Variants in PITPNC1 observed in about 807,000 individuals in gnomAD.
PITPNC1 encodes cytoplasmic phosphatidylinositol transfer protein 1.
A neutral mutation model predicts 44.7 loss-of-function variants in PITPNC1; 18 were observed. That is an observed-to-expected ratio of 0.40 (90% CI 0.28 to 0.60). The LOEUF is 0.60. Ranked by LOEUF, PITPNC1 falls within the 20% of genes least tolerant of loss-of-function variation. PITPNC1 has a pLI of 0.39. For missense variants in PITPNC1, 290 were observed against 418.4 expected (o/e 0.69, Z 2.68); for synonymous variants, 141 against 149.6 (o/e 0.94, Z 0.42).
chr17:67,439,628 TTATA>T lies in PITPNC1; in HGVS notation c.48+61432_48+61435del, dbSNP rs199913934. On this transcript the variant is annotated intron_variant, in intron 1 of 8. Coordinates refer to ENST00000581322, the MANE Select transcript of PITPNC1 (RefSeq NM_012417.4). ...CATTCATTTATTGAAAAATGAAAAA[TTATA>T]TATATTTATAATATACCAGGTGATA... Among the ~76,000 whole-genome samples, 12 of 152,298 alleles carry T rather than the reference TTATA, an allele frequency of 7.9e-5. No individual in the cohort carries two copies. In the East Asian group the frequency reaches 2.3e-3, roughly 29 times the overall value.
intron 5 of PITPNC1, among the ~76,000 whole-genome samples, chr17:67,615,950 C>T (rs2041752564): frequency 1.3e-5 from 2 of 152,150 alleles, no homozygotes; most frequent in Non-Finnish European, 1.5e-5. Context: ...AGAATTCGGA[C>T]TGAGGCTACT....
intron 6 of PITPNC1, among the ~76,000 whole-genome samples, chr17:67,651,330 T>A (rs944933953): frequency 6.6e-6 from 1 of 152,134 alleles, no homozygotes; most frequent in African/African-American, 2.4e-5. Context: ...CTGGCCAACA[T>A]GGCGAAACCC....
intron 5 of PITPNC1, among the ~76,000 whole-genome samples, chr17:67,628,181 G>A (rs961730778): frequency 1.1e-4 from 16 of 151,980 alleles, no homozygotes; most frequent in Non-Finnish European, 1.9e-4. Context: ...GGGATTACAG[G>A]TGTAAGCCAC....
At chr17:67,440,546 A>G (rs1598665037) in intron 1 of PITPNC1, among the ~76,000 whole-genome samples, 1 of 121,796 alleles carries the variant, frequency 8.2e-6, no homozygotes. Flanking sequence ...TTATTTATTT[A>G]TTTGAGACAG....
At chr17:67,448,733 G>A (rs1026676713) in intron 1 of PITPNC1, among the ~76,000 whole-genome samples, 1 of 152,030 alleles carries the variant, frequency 6.6e-6, no homozygotes, top group Admixed American at 6.6e-5. Flanking sequence ...TACTTACCTA[G>A]GCCATACTTA....
chr17:67,532,363 G>T (rs2040473324), intron 1 of PITPNC1, among the ~76,000 whole-genome samples: 1 of 152,196 alleles, frequency 6.6e-6, no homozygotes, highest in South Asian at 2.1e-4. Flanking sequence ...AGAAGAAATA[G>T]ATGATATCTA....
chr17:67,450,639 C>T (rs539439862), intron 1 of PITPNC1, among the ~76,000 whole-genome samples: 1 of 152,232 alleles, frequency 6.6e-6, no homozygotes, highest in South Asian at 2.1e-4. Context: ...GTTGCCCAGG[C>T]TGGTCTCAAA....
chr17:67,380,506 A>C lies in PITPNC1; in HGVS notation c.48+2304A>C, dbSNP rs2037941902. On this transcript the variant is annotated intron_variant, in intron 1 of 8. Transcript: ENST00000581322. The stretch of plus-strand genomic sequence containing the variant: ...CAGTTTCTGTAAGGTTCATATTCTG[A>C]AGTCATTTTCGGCTTTGTCAGAGAA... Among the ~76,000 whole-genome samples, 3 of 152,172 alleles carry C rather than the reference A, an allele frequency of 2.0e-5. 1 individual carries two copies. Among genetic ancestry groups the C allele is most frequent in the Non-Finnish European group, 2.9e-5 (2 of 68,026 alleles).
In PITPNC1 at chr17:67,543,680, T is replaced by G. The variant is rs1053597744; in HGVS notation, c.198-8577T>G. Among the ~76,000 whole-genome samples, 22 of 152,340 alleles carry G rather than the reference T, an allele frequency of 1.4e-4. 1 individual carries two copies. The highest frequency in any genetic ancestry group is 3.4e-3 in the Middle Eastern group (1 of 294). ...CAATGTCCGTTGAAAATGCCATTTA[T>G]CCTTTTAATACATGCCTCTCATTTC... On this transcript the variant is annotated intron_variant, in intron 2 of 8. Transcript: ENST00000581322.
At chr17:67,542,792 A>G (rs2040626233) in intron 2 of PITPNC1, among the ~76,000 whole-genome samples, 1 of 152,190 alleles carries the variant, frequency 6.6e-6, no homozygotes, top group African/African-American at 2.4e-5. Context: ...AAACTGCCTT[A>G]TTGATTACCT....
At chr17:67,458,825 G>A (rs1055123293) in intron 1 of PITPNC1, among the ~76,000 whole-genome samples, 2 of 152,120 alleles carry the variant, frequency 1.3e-5, no homozygotes, top group African/African-American at 2.4e-5. Flanking sequence ...GCATTGCTCA[G>A]AACAATTTGC....
intron 4 of PITPNC1, among the ~76,000 whole-genome samples, chr17:67,564,506 A>C (rs1414237336): frequency 2.0e-5 from 3 of 152,160 alleles, no homozygotes; most frequent in African/African-American, 7.2e-5. Flanking sequence ...GTGCCCACCC[A>C]CATTGAGGAT....
chr17:67,638,002 C>T (rs745496049), intron 6 of PITPNC1: 9 of 152,032 alleles, frequency 5.9e-5, no homozygotes, highest in Non-Finnish European at 1.3e-4. Flanking sequence ...TGTAAAATGA[C>T]CATCATCAAC....
chr17:67,387,912 C>T (rs565360809), intron 1 of PITPNC1, among the ~76,000 whole-genome samples: 1 of 152,014 alleles, frequency 6.6e-6, no homozygotes, highest in African/African-American at 2.4e-5. Flanking sequence ...GTGTATTTTC[C>T]GTGGACACGC....
chr17:67,685,002 GGTGGGGGGCACCC>G (rs2042786564), intron 8 of PITPNC1, among the ~76,000 whole-genome samples: 1 of 152,204 alleles, frequency 6.6e-6, no homozygotes, highest in Non-Finnish European at 1.5e-5. Context: ...CTGTTGGGAT[GGTGGGGGGCACCC>G]CCTAATGACA....
chr17:67,438,711 C>T (rs146223600), intron 1 of PITPNC1, among the ~76,000 whole-genome samples: 2 of 152,296 alleles, frequency 1.3e-5, no homozygotes, highest in African/African-American at 4.8e-5. Flanking sequence ...CTTTTCCTTC[C>T]TCTCTTTTAA....
chr17:67,385,746 G>A (rs901858764), intron 1 of PITPNC1, among the ~76,000 whole-genome samples: 5 of 31,726 alleles, frequency 1.6e-4, no homozygotes, highest in African/African-American at 4.2e-4. Context: ...GCAAAGCTCC[G>A]GTTTTTTTTT....
At chr17:67,669,854 T>C (rs572961458) in intron 7 of PITPNC1, among the ~76,000 whole-genome samples, 191 bp downstream of exon 7, 7 of 152,082 alleles carry the variant, frequency 4.6e-5, no homozygotes, top group Non-Finnish European at 1.0e-4. Flanking sequence ...GGTAGATCAC[T>C]TGAGGCCAAG....
intron 5 of PITPNC1, among the ~76,000 whole-genome samples, chr17:67,627,530 C>T (rs1253601010): frequency 6.6e-6 from 1 of 152,212 alleles, no homozygotes. Flanking sequence ...AGAAGACTCC[C>T]ATGTTGCTGG....
Sources: allele counts gnomAD v4.1 joint callset (sites outside exome capture counted in the v4.1 genomes callset), GRCh38; gene constraint gnomAD v4.1.1; transcripts MANE v1.5; gene names NCBI Gene and HGNC (gene_info 2026-07-23, HGNC 2026-07-21).